The following FSTL4 variants were observed in gnomAD, a reference collection of about 807,000 sequenced individuals.
FSTL4 encodes follistatin-related protein 4.
FSTL4 carries 28 observed loss-of-function variants against 78.2 expected under a neutral mutation model. That is an observed-to-expected ratio of 0.36 (90% CI 0.27 to 0.49). The LOEUF (loss-of-function observed/expected upper bound fraction) is 0.49, where lower values mean the gene tolerates loss of function less well. FSTL4 is among the 20% of genes least tolerant of loss of function. The pLI is 0.98. For synonymous variants in FSTL4, 422 were observed against 440.5 expected (o/e 0.96, Z 0.53); for missense variants, 922 against 1,084.9 (o/e 0.85, Z 2.11).
intron 2 of FSTL4, among the ~76,000 whole-genome samples, chr5:133,600,461 T>C (rs1402436092): frequency 6.6e-6 from 1 of 152,066 alleles, no homozygotes; most frequent in East Asian, 1.9e-4. Flanking sequence ...TTTCAATAAA[T>C]TGTACCTCTC....
the FSTL4 span, among the ~76,000 whole-genome samples, chr5:133,659,691 C>T: frequency 6.6e-6 from 1 of 151,494 alleles, no homozygotes; most frequent in Non-Finnish European, 1.5e-5. Context: ...TCTTCTTCCC[C>T]TTTCCTTTCT....
intron 3 of FSTL4, among the ~76,000 whole-genome samples, chr5:133,487,719 T>C (rs1478595398): frequency 6.6e-6 from 1 of 152,154 alleles, no homozygotes; most frequent in Non-Finnish European, 1.5e-5. Context: ...GGGACTGTGT[T>C]CACCTCACCA....
chr5:133,445,741 G>A (rs1757250931), intron 3 of FSTL4, among the ~76,000 whole-genome samples: 1 of 152,152 alleles, frequency 6.6e-6, no homozygotes, highest in Non-Finnish European at 1.5e-5. Context: ...CCCCAGGCCT[G>A]TGTATTTGCC....
At chr5:133,388,932 A>G (rs1006990125) in intron 4 of FSTL4, among the ~76,000 whole-genome samples, 1 of 151,760 alleles carries the variant, frequency 6.6e-6, no homozygotes. Context: ...TGATTTCTGT[A>G]TGGTTAATCT....
the FSTL4 span, among the ~76,000 whole-genome samples, chr5:133,657,759 G>GTT: frequency 4.4e-4 from 49 of 111,782 alleles, no homozygotes; most frequent in South Asian, 8.9e-4. Context: ...CTAGCTTACT[G>GTT]TTTTTTGTTT....
chr5:133,778,145 A>G, the FSTL4 span, among the ~76,000 whole-genome samples: 2 of 152,076 alleles, frequency 1.3e-5, no homozygotes, highest in Admixed American at 6.5e-5. Context: ...AGGAACACAG[A>G]CCTTCCACAT....
intron 6 of FSTL4, among the ~76,000 whole-genome samples, chr5:133,284,911 G>A (rs917658387): frequency 2.0e-5 from 3 of 152,236 alleles, no homozygotes; most frequent in African/African-American, 7.2e-5. Flanking sequence ...TGAGTAGGGT[G>A]TCAGGGTGCT....
chr5:133,360,586 C>A (rs184554558), intron 4 of FSTL4, among the ~76,000 whole-genome samples: 1 of 149,588 alleles, frequency 6.7e-6, no homozygotes, highest in African/African-American at 2.5e-5. Flanking sequence ...GCAATAAAAT[C>A]TCAACAGCAA....
chr5:133,394,365 G>A (rs182321296), intron 4 of FSTL4, among the ~76,000 whole-genome samples: 401 of 152,368 alleles, frequency 2.6e-3, no homozygotes, highest in African/African-American at 7.7e-3. Flanking sequence ...GAGAGGCACC[G>A]GCGGGAACTG....
intron 2 of FSTL4, among the ~76,000 whole-genome samples, chr5:133,594,149 A>G (rs1312562265): frequency 6.6e-6 from 1 of 152,192 alleles, no homozygotes; most frequent in Non-Finnish European, 1.5e-5. Flanking sequence ...ATATGATCCT[A>G]AGCCATACTG....
At chr5:133,394,745 C>T (rs916433671) in intron 4 of FSTL4, among the ~76,000 whole-genome samples, 3 of 152,208 alleles carry the variant, frequency 2.0e-5, no homozygotes, top group African/African-American at 4.8e-5. Context: ...GGGTGCACTG[C>T]GCGGGACTGG....
intron 3 of FSTL4, among the ~76,000 whole-genome samples, chr5:133,417,819 C>T (rs2578567): frequency 6.6e-6 from 1 of 151,594 alleles, no homozygotes; most frequent in East Asian, 1.9e-4. Context: ...ATTAGCCAGG[C>T]GTGGTGGTGC....
At chr5:133,641,261 C>CAAAAACAAAA in the FSTL4 span, among the ~76,000 whole-genome samples, 273 of 74,764 alleles carry the variant, frequency 3.7e-3, 2 homozygotes, top group Middle Eastern at 0.011. Context: ...AAAACACACA[C>CAAAAACAAAA]ACAAAAACAA....
At chr5:133,259,799 G>C (rs1752475369) in intron 6 of FSTL4, among the ~76,000 whole-genome samples, 1 of 152,010 alleles carries the variant, frequency 6.6e-6, no homozygotes, top group Non-Finnish European at 1.5e-5. Context: ...AAATAGTTTG[G>C]ATGGGGTGGG....
chr5:133,199,298 T>G lies in FSTL4; in HGVS notation c.2326A>C (p.Asn776His). The change falls in exon 16 of 16, where the codon AAC becomes CAC. Residue 776 changes from asparagine to histidine, a missense_variant. Physicochemically the swap from Asn to His is moderately conservative, Grantham distance 68. Transcript: ENST00000265342. This position sits in a 1 kb window ranked among gnomAD's most constrained non-coding sequence, Gnocchi z 4.4. Reference protein sequence around the residue: ...LSTGKVGMLKNLKEPPAGPAQ... With the variant: ...LSTGKVGMLKHLKEPPAGPAQ... ...GGCCCTGCGGGTGGCTCCTTTAAGT[T>G]CTTCAGCATGCCCACCTTCCCCGTG... 6.2e-7 allele frequency: 1 copy of G among 1,614,084 alleles called. No individual in the cohort carries two copies.
intron 4 of FSTL4, among the ~76,000 whole-genome samples, chr5:133,339,052 C>T (rs937796698): frequency 2.6e-5 from 4 of 152,160 alleles, no homozygotes; most frequent in Non-Finnish European, 4.4e-5. Flanking sequence ...CCCTGACTTG[C>T]CCTGTTATGT....
At chr5:133,398,023 C>T (rs1417305417) in intron 4 of FSTL4, among the ~76,000 whole-genome samples, 3 of 152,052 alleles carry the variant, frequency 2.0e-5, no homozygotes, top group Non-Finnish European at 4.4e-5. Context: ...GGAACTTGTT[C>T]TTTATATCCT....
chr5:133,764,591 T>C, the FSTL4 span, among the ~76,000 whole-genome samples: 1 of 152,156 alleles, frequency 6.6e-6, no homozygotes, highest in East Asian at 1.9e-4. Context: ...CATAAAACCA[T>C]GTGCCTTTTC....
chr5:133,593,991 C>T (rs948631922), intron 2 of FSTL4, among the ~76,000 whole-genome samples: 1 of 151,696 alleles, frequency 6.6e-6, no homozygotes, highest in Non-Finnish European at 1.5e-5. Context: ...GGGCCAGGCA[C>T]ACAGCTAGGT....
Sources: gnomAD v4.1 joint callset for allele counts (sites outside exome capture counted in the v4.1 genomes callset) on GRCh38, gnomAD v4.1.1 for gene constraint, Gnocchi (gnomAD v3.1) non-coding constraint, MANE v1.5 for transcripts, NCBI Gene and HGNC (gene_info 2026-07-23, HGNC 2026-07-21) for gene names.